The following RBFOX1 variants were observed in gnomAD, a reference collection of about 807,000 sequenced individuals.
The protein encoded by RBFOX1 is RNA binding protein fox-1 homolog 1.
Under a neutral mutation model 57.7 loss-of-function variants are expected in RBFOX1, and 8 were observed. The observed-to-expected ratio is 0.14, with a 90% confidence interval of 0.08 to 0.25. The LOEUF is 0.25. Ranked by LOEUF, RBFOX1 falls within the 10% of genes least tolerant of loss-of-function variation. The probability of loss-of-function intolerance (pLI) is 1.00; values close to 1 mark genes in which losing one functional copy is unlikely to be tolerated. For synonymous variants in RBFOX1, 326 were observed against 222.4 expected (o/e 1.47, Z -4.15); for missense variants, 611 against 548.5 (o/e 1.11, Z -1.14).
At chr16:6,540,014 C>A (rs956447170) in intron 2 of RBFOX1, among the ~76,000 whole-genome samples, 1 of 152,116 alleles carries the variant, frequency 6.6e-6, no homozygotes, top group African/African-American at 2.4e-5. Context: ...CAGGTATACA[C>A]AGCAACCCTG....
intron 3 of RBFOX1, among the ~76,000 whole-genome samples, chr16:5,820,764 C>T (rs1288777307): frequency 6.6e-6 from 1 of 152,194 alleles, no homozygotes; most frequent in Non-Finnish European, 1.5e-5. Flanking sequence ...GCTCTCCCAG[C>T]CTCACAGGGG....
chr16:6,458,717 C>T (rs74643918), intron 2 of RBFOX1, among the ~76,000 whole-genome samples: 1 of 152,116 alleles, frequency 6.6e-6, no homozygotes, highest in African/African-American at 2.4e-5. Context: ...CTCATTTGAC[C>T]TAGGAGTAAG....
intron 5 of RBFOX1, among the ~76,000 whole-genome samples, chr16:7,574,029 A>G (rs193045555): frequency 4.6e-5 from 7 of 152,250 alleles, no homozygotes; most frequent in Admixed American, 3.9e-4. Flanking sequence ...TAGGAATTAC[A>G]CACTATGCTT....
At chr16:6,870,970 G>T (rs1399746370) in intron 3 of RBFOX1, among the ~76,000 whole-genome samples, 1 of 152,206 alleles carries the variant, frequency 6.6e-6, no homozygotes, top group Admixed American at 6.5e-5. Flanking sequence ...AGACCTGGAT[G>T]TAAGTGGATG....
chr16:7,456,862 T>C (rs906796561), intron 4 of RBFOX1, among the ~76,000 whole-genome samples: 1 of 152,014 alleles, frequency 6.6e-6, no homozygotes, highest in South Asian at 2.1e-4. Flanking sequence ...GGGCATATTT[T>C]GGGTATTCTT....
chr16:7,291,552 G>C (rs922496988), intron 4 of RBFOX1, among the ~76,000 whole-genome samples: 21 of 152,136 alleles, frequency 1.4e-4, no homozygotes, highest in Admixed American at 9.8e-4. Context: ...CAAATGTTCA[G>C]CTTTCAAGAT....
At chr16:7,524,060 C>G (rs2078121236) in intron 5 of RBFOX1, among the ~76,000 whole-genome samples, 2 of 152,190 alleles carry the variant, frequency 1.3e-5, no homozygotes, top group Non-Finnish European at 1.5e-5. Context: ...TAGGATAGTG[C>G]TGTACCTGGA....
At chr16:6,576,353 C>T (rs939808562) in intron 2 of RBFOX1, among the ~76,000 whole-genome samples, 1 of 152,144 alleles carries the variant, frequency 6.6e-6, no homozygotes, top group Admixed American at 6.5e-5. Flanking sequence ...GGGAGGAAAC[C>T]GGAGTACCCG....
rs944599561 is a variant in RBFOX1, at chr16:6,912,534, G to C, written c.-15-139523G>C. ...GATAACTAAACTAAAGACCTTCTGA[G>C]ATTTAGGTTTAAATTCTTTTCTCTT... On this transcript the variant is annotated intron_variant, in intron 3 of 15. Transcript: ENST00000550418. Among the ~76,000 whole-genome samples, 4 of 152,108 alleles carry C rather than the reference G, an allele frequency of 2.6e-5. No individual in the cohort carries two copies. The East Asian group carries it at 7.7e-4, about 29-fold the overall frequency.
At position 6,450,827 on chromosome 16, in the gene RBFOX1, A is replaced by ATTTG. The variant is rs1272807125; in HGVS notation, c.-64+133771_-64+133772insTTGT. 3.3e-4 allele frequency among the ~76,000 whole-genome samples: 12 copies of ATTTG among 35,842 alleles called. 2 individuals carry two copies. Among genetic ancestry groups the ATTTG allele is most frequent in the Admixed American group, 7.5e-4 (2 of 2,680 alleles). 23.5% of individuals were successfully genotyped at this position (35,842 alleles called of 152,430 possible). A position where few individuals can be genotyped will look rare whatever the true frequency, so the allele number is the denominator to read the frequency against. On this transcript the variant is annotated intron_variant, in intron 2 of 15. Transcript: ENST00000550418. ...TATATATATATATATACATATATAT[A>ATTTG]TATATATATGTGTATATATATATAT...
intron 5 of RBFOX1, among the ~76,000 whole-genome samples, chr16:7,568,695 C>G (rs1488977934): frequency 1.3e-5 from 2 of 151,730 alleles, no homozygotes; most frequent in Non-Finnish European, 2.9e-5. Context: ...ACCATCCTGG[C>G]TAACATGGTG....
intron 3 of RBFOX1, among the ~76,000 whole-genome samples, chr16:6,915,417 C>A (rs1416101593): frequency 6.6e-6 from 1 of 152,166 alleles, no homozygotes; most frequent in Non-Finnish European, 1.5e-5. Flanking sequence ...TTTAATAAAT[C>A]CACGTAGCCC....
In RBFOX1 at chr16:5,729,301, C is replaced by A. The variant is rs533021534; in HGVS notation, c.318+130340C>A. Among the ~76,000 whole-genome samples the A allele has an allele frequency of 4.6e-5, 7 of 151,472 alleles. No individual in the cohort carries two copies. In the East Asian group the frequency reaches 1.2e-3, roughly 25 times the overall value. ...CAGAGCTGGAAGCAAAATATGTGAGCAAGTCAGAAGTTTCTCTTGAAGGCT... is the reference window on the plus strand; with the variant it reads ...CAGAGCTGGAAGCAAAATATGTGAGAAAGTCAGAAGTTTCTCTTGAAGGCT... On this transcript the variant is annotated intron_variant, in intron 3 of 19. Transcript: ENST00000641259.
intron 3 of RBFOX1, among the ~76,000 whole-genome samples, chr16:5,797,458 T>C (rs1423616945): frequency 6.6e-6 from 1 of 152,226 alleles, no homozygotes; most frequent in Admixed American, 6.5e-5. Flanking sequence ...TTCCTTGTTG[T>C]TTTGGCTGTA....
At position 7,338,408 on chromosome 16, in the gene RBFOX1, C is replaced by A. The variant is rs902128929; in HGVS notation, c.28-179739C>A. On this transcript the variant is annotated intron_variant, in intron 4 of 15. Coordinates refer to ENST00000550418, the MANE Select transcript of RBFOX1 (RefSeq NM_018723.4). ...ATACTCCATGTTTTTATTTTTATTT[C>A]TTTTAGAGAAAGGGTCTCACTCTGT... Among the ~76,000 whole-genome samples, 42 of 151,882 alleles carry A rather than the reference C, an allele frequency of 2.8e-4. 1 individual carries two copies. Among genetic ancestry groups the A allele is most frequent in the African/African-American group, 8.2e-4 (34 of 41,346 alleles).
At chr16:6,367,562 G>A (rs1374815118) in intron 2 of RBFOX1, among the ~76,000 whole-genome samples, 19 of 152,194 alleles carry the variant, frequency 1.2e-4, no homozygotes, top group East Asian at 3.9e-4. Context: ...GAGCCAATGC[G>A]CCTGGCCCCT....
At chr16:5,511,026 G>A (rs2043566293) in intron 2 of RBFOX1, among the ~76,000 whole-genome samples, 1 of 152,178 alleles carries the variant, frequency 6.6e-6, no homozygotes, top group Non-Finnish European at 1.5e-5. Context: ...TGAAAATGAG[G>A]AGGTCCTTTG....
intron 3 of RBFOX1, among the ~76,000 whole-genome samples, chr16:6,788,880 C>G (rs1035549798): frequency 6.6e-6 from 1 of 152,134 alleles, no homozygotes; most frequent in Non-Finnish European, 1.5e-5. Context: ...TACTGTCACT[C>G]TGTAGCTAAC....
chr16:6,912,777 G>A (rs7498759), intron 3 of RBFOX1, among the ~76,000 whole-genome samples: 36,592 of 151,400 alleles, frequency 0.24, 4,544 homozygotes, highest in South Asian at 0.31. Context: ...GCCACCACAC[G>A]TGCCCGCCTA....
Sources: gnomAD v4.1 joint callset for allele counts (sites outside exome capture counted in the v4.1 genomes callset) on GRCh38, gnomAD v4.1.1 for gene constraint, MANE v1.5 for transcripts, NCBI Gene and HGNC (gene_info 2026-07-23, HGNC 2026-07-21) for gene names.